Variants in TEAD2 observed in about 807,000 individuals in gnomAD.
TEAD2 encodes transcriptional enhancer factor TEF-4.
In TEAD2, 51 loss-of-function variants were observed where a neutral mutation model predicts 61.4. The ratio of observed to expected loss-of-function variants is 0.83; its 90% CI spans 0.66 to 1.05. The LOEUF is 1.05. Among genes scored for constraint, TEAD2 ranks in the 50% least tolerant of loss-of-function variants. The pLI is 0.00. For synonymous variants in TEAD2, 244 were observed against 243.2 expected, an observed-to-expected ratio of 1.00 and a Z score of -0.03; for missense variants, 509 against 600.0, an observed-to-expected ratio of 0.85 and a Z score of 1.58.
intron 9 of TEAD2, among the ~76,000 whole-genome samples, chr19:49,347,813 GA>G (rs1193155518): frequency 1.3e-5 from 2 of 152,230 alleles, no homozygotes; most frequent in African/African-American, 2.4e-5. Context: ...TCAATGGATG[GA>G]AGAGTGAATG....
At chr19:49,354,159 A>G (rs936665490) in intron 7 of TEAD2, among the ~76,000 whole-genome samples, 2 of 150,672 alleles carry the variant, frequency 1.3e-5, no homozygotes, top group African/African-American at 2.4e-5. Flanking sequence ...CTGCAGCCAC[A>G]CTACCCAACC....
Position 49,359,479 on chromosome 19 carries a change from G to A in TEAD2, c.253C>T (p.Arg85Cys), listed in dbSNP as rs747783570. Residue 85 changes from arginine (R) to cysteine (C), a missense_variant, in exon 3 of 13, where the codon CGC becomes TGC. Transcript: ENST00000593945. This position sits in a 1 kb window ranked among gnomAD's most constrained non-coding sequence, Gnocchi z 4.1. ...KMYGRNELIA[R>C]YIKLRTGKTR... is the part of the protein sequence containing the mutation. Reference sequence around the variant, plus strand: ...TTCCCCGTTCTCAGCTTGATGTAGCGGGCGATCAGTTCATTCCGACCTGAA... The same window carrying A: ...TTCCCCGTTCTCAGCTTGATGTAGCAGGCGATCAGTTCATTCCGACCTGAA... 20 of 1,613,866 alleles carry A rather than the reference G, an allele frequency of 1.2e-5. No individual in the cohort carries two copies. Among genetic ancestry groups the A allele is most frequent in the African/African-American group, 2.7e-5 (2 of 74,844 alleles).
intron 10 of TEAD2, among the ~76,000 whole-genome samples, chr19:49,346,526 G>A (rs1300255628): frequency 6.6e-6 from 1 of 152,010 alleles, no homozygotes; most frequent in African/African-American, 2.4e-5. Context: ...ATGTGGTGGC[G>A]GGTGCCTGTA....
chr19:49,354,001 TG>T (rs1972205809), intron 7 of TEAD2, among the ~76,000 whole-genome samples: 1 of 149,900 alleles, frequency 6.7e-6, no homozygotes, highest in Non-Finnish European at 1.5e-5. Context: ...GGTTTCACCA[TG>T]TTGGCCAGAA....
At chr19:49,342,726 C>T (rs1971382007) in intron 11 of TEAD2, 136 bp from the exon 12 acceptor site, 2 of 1,096,700 alleles carry the variant, frequency 1.8e-6, no homozygotes, top group Non-Finnish European at 2.6e-6. Flanking sequence ...ATCACCCCAC[C>T]CACAGTGACT....
chr19:49,355,006 A>AATAC (rs1185618239), intron 7 of TEAD2, 142 bp downstream of exon 7: 4 of 540,122 alleles, frequency 7.4e-6, no homozygotes, highest in Non-Finnish European at 1.4e-5. Context: ...CATGTCAATA[A>AATAC]ATACATACAT....
chr19:49,342,510 G>A lies in TEAD2; in HGVS notation c.1170C>T (p.Phe390=). The change falls in exon 12 of 13, where the codon TTC becomes TTT. Residue 390 remains phenylalanine, a synonymous_variant. Transcript: ENST00000593945. The stretch of plus-strand genomic sequence containing the variant: ...CAGGCAGCTGCCGCAACTTGTGCAA[G>A]AAATTCACCAGGTACTCGCACATGG... The part of the protein sequence containing the change: ...RSPMCEYLVN[F]LHKLRQLPER... The A allele has an allele frequency of 6.2e-7, 1 of 1,614,188 alleles. No individual in the cohort carries two copies. Among genetic ancestry groups the A allele is most frequent in the Middle Eastern group, 1.6e-4 (1 of 6,062 alleles).
chr19:49,343,165 A>G lies in TEAD2; in HGVS notation c.1089+66T>C. ...ATGCATACTCCCAAATGCCTGAGTC[A>G]TGATGGCTTCTGGTCCATTCTGCAC... On this transcript the variant is annotated intron_variant, in intron 11 of 12. Coordinates refer to ENST00000593945, the MANE Select transcript of TEAD2 (RefSeq NM_001256660.2). 3 of 1,510,690 alleles carry G rather than the reference A, an allele frequency of 2.0e-6. No individual in the cohort carries two copies. The East Asian group carries it at 6.8e-5, about 34-fold the overall frequency. The allele number at this position is 1,510,690 out of a possible 1,614,324, so 93.6% of individuals were successfully genotyped here.
At chr19:49,361,408 G>A (rs958089363) in intron 1 of TEAD2, 1 of 153,534 alleles carries the variant, frequency 6.5e-6, no homozygotes, top group Non-Finnish European at 1.4e-5. Context: ...AGAAAGGGCA[G>A]GGACAGAGAC....
chr19:49,351,343 G>A lies in TEAD2; in HGVS notation c.562C>T (p.Pro188Ser), dbSNP rs758765852. Residue 188 changes from proline to serine, a missense_variant, in exon 8 of 13, where the codon CCG becomes TCG. Physicochemically the swap from Pro to Ser is moderately conservative, Grantham distance 74 (BLOSUM62 -1). Transcript: ENST00000593945. ...GGGGGAGTCAGTGACAAGGTGAACGGTGTCTGTGAGAATGGCTTCACACTG... is the reference window on the plus strand; with the variant it reads ...GGGGGAGTCAGTGACAAGGTGAACGATGTCTGTGAGAATGGCTTCACACTG... ...VPDVKPFSQT[P>S]FTLSLTPPST... 2 of 1,612,436 alleles carry A rather than the reference G, an allele frequency of 1.2e-6. No homozygotes were observed. The highest frequency in any genetic ancestry group is 1.7e-5 in the Admixed American group (1 of 59,746).
intron 8 of TEAD2, among the ~76,000 whole-genome samples, chr19:49,350,653 G>A (rs1266010407): frequency 1.3e-5 from 2 of 151,732 alleles, no homozygotes; most frequent in Admixed American, 6.6e-5. Flanking sequence ...TTAAAATGTT[G>A]CTTCAGCTGG....
rs145407678 is a variant in TEAD2 at position 49,351,857 on chromosome 19, G to A, written c.540-492C>T. Among the ~76,000 whole-genome samples the A allele has an allele frequency of 1.2e-3, 190 of 152,016 alleles. 4 individuals carry two copies. In the East Asian group the frequency reaches 0.033, roughly 26 times the overall value. ...AAAAATTAGCAGAGTGTGGTGGTGC[G>A]CGCCTGTAATCCGAGCTATTCAGGG... On this transcript the variant is annotated intron_variant, in intron 7 of 12. Transcript: ENST00000593945.
Position 49,357,266 on chromosome 19 carries a change from GGATTTCCCTT to G in TEAD2, c.336_345del (p.Arg113SerfsTer4). On this transcript the variant is annotated frameshift_variant, in exon 4 of 13. Transcript: ENST00000593945. LOFTEE classifies it high-confidence loss of function. ...TTGGTCCCTACCTTCAACTTGGACT[GGATTTCCCTT>G]GATTTCCTTCGGGCCAAAACCTGGA... 1.2e-6 allele frequency: 2 copies of G among 1,613,058 alleles called. No homozygotes were observed. The highest frequency in any genetic ancestry group is 1.7e-6 in the Non-Finnish European group (2 of 1,179,834).
intron 10 of TEAD2, among the ~76,000 whole-genome samples, chr19:49,346,099 A>T (rs1224395232): frequency 1.4e-5 from 2 of 142,778 alleles, no homozygotes; most frequent in African/African-American, 5.2e-5. Context: ...CAGGAGGCAG[A>T]GGTTGCAGTG....
chr19:49,343,138 C>T (rs1971407223), intron 11 of TEAD2, 93 bp downstream of exon 11: 1 of 1,434,572 alleles, frequency 7.0e-7, no homozygotes, highest in Non-Finnish European at 9.3e-7. Flanking sequence ...CCCACTCCCT[C>T]CATGCATACT....
rs771071974 is a variant in TEAD2 at position 49,357,238 on chromosome 19, G to A, written c.360+14C>T. The A allele has an allele frequency of 6.2e-7, 1 of 1,610,486 alleles. No individual in the cohort carries two copies. The highest frequency in any genetic ancestry group is 8.5e-7 in the Non-Finnish European group (1 of 1,179,110). On this transcript the variant is annotated intron_variant, in intron 4 of 12. Transcript: ENST00000593945. ...TCTCTGTCCCCCTCTCAGGATGTCT[G>A]CATTGGTCCCTACCTTCAACTTGGA...
Position 49,340,918 on chromosome 19 carries a change from A to G in TEAD2, c.*406T>C. On this transcript the variant is annotated 3_prime_UTR_variant, in exon 13 of 13. Transcript: ENST00000593945. ...AATTTCAGGGGGAGGGGTGGCTGGG[A>G]AAAAGTAAAGGGGACAAGCCAATGT... 5.1e-6 allele frequency: 1 copy of G among 194,296 alleles called. No homozygotes were observed. Among genetic ancestry groups the G allele is most frequent in the Admixed American group, 5.3e-5 (1 of 18,810 alleles). 12.0% of individuals were successfully genotyped at this position (194,296 alleles called of 1,614,324 possible).
intron 10 of TEAD2, among the ~76,000 whole-genome samples, chr19:49,345,372 C>T (rs568977242): frequency 4.0e-5 from 6 of 151,268 alleles, no homozygotes; most frequent in East Asian, 3.9e-4. Context: ...TTCTTTCTTT[C>T]GGCAGGGTCT....
At chr19:49,344,757 C>A (rs1270229053) in intron 10 of TEAD2, among the ~76,000 whole-genome samples, 1 of 152,208 alleles carries the variant, frequency 6.6e-6, no homozygotes, top group Non-Finnish European at 1.5e-5. Context: ...CCTCACGGAG[C>A]CTGAGGAGGC....
Sources: gnomAD v4.1 joint callset for allele counts (sites outside exome capture counted in the v4.1 genomes callset) on GRCh38, gnomAD v4.1.1 for gene constraint, Gnocchi (gnomAD v3.1) non-coding constraint, MANE v1.5 for transcripts, NCBI Gene and HGNC (gene_info 2026-07-23, HGNC 2026-07-21) for gene names.